Variants in GRIK3 observed in about 807,000 individuals in gnomAD.
GRIK3 encodes glutamate receptor ionotropic, kainate 3.
Under a neutral mutation model 102.5 loss-of-function variants are expected in GRIK3, and 29 were observed. The observed-to-expected ratio is 0.28, with a 90% CI of 0.21 to 0.39. The LOEUF (loss-of-function observed/expected upper bound fraction) is 0.39. Among genes scored for constraint, GRIK3 ranks in the 10% least tolerant of loss-of-function variants. GRIK3 has a pLI of 1.00. For missense variants in GRIK3, 908 were observed against 1,252.4 expected, an observed-to-expected ratio of 0.73 and a Z score of 4.15; for synonymous variants, 511 against 504.9, an observed-to-expected ratio of 1.01 and a Z score of -0.16.
intron 1 of GRIK3, among the ~76,000 whole-genome samples, chr1:36,962,264 C>T (rs1413893640): frequency 6.6e-6 from 1 of 152,132 alleles, no homozygotes; most frequent in Admixed American, 6.5e-5. Flanking sequence ...CTCCATTCCT[C>T]TTATCTCTGT....
intron 1 of GRIK3, among the ~76,000 whole-genome samples, chr1:36,985,819 C>T (rs912423554): frequency 6.6e-6 from 1 of 152,178 alleles, no homozygotes; most frequent in East Asian, 1.9e-4. Flanking sequence ...TGTGTGGGCT[C>T]CCCGTCTCCC....
intron 1 of GRIK3, among the ~76,000 whole-genome samples, chr1:36,937,269 G>A (rs935866766): frequency 6.6e-6 from 1 of 152,126 alleles, no homozygotes; most frequent in Non-Finnish European, 1.5e-5. Context: ...CCACGCCCTC[G>A]AGTGAACAAC....
chr1:37,030,475 A>T (rs1642811798), intron 1 of GRIK3, among the ~76,000 whole-genome samples: 1 of 151,408 alleles, frequency 6.6e-6, no homozygotes, highest in Non-Finnish European at 1.5e-5. Flanking sequence ...CTTGCAGCTC[A>T]GTTCTGCTCT....
At chr1:36,987,767 G>T (rs1642321652) in intron 1 of GRIK3, among the ~76,000 whole-genome samples, 1 of 152,166 alleles carries the variant, frequency 6.6e-6, no homozygotes, top group Non-Finnish European at 1.5e-5. Context: ...TAGCAGGAAG[G>T]TCACGACAGT....
chr1:36,876,881 C>A (rs1386957260), intron 3 of GRIK3, among the ~76,000 whole-genome samples: 4 of 152,118 alleles, frequency 2.6e-5, no homozygotes, highest in Non-Finnish European at 5.9e-5. Flanking sequence ...ATTTGTTGAA[C>A]TGAATTGAGT....
chr1:37,033,127 G>C (rs1190959118), intron 1 of GRIK3, among the ~76,000 whole-genome samples: 1 of 152,238 alleles, frequency 6.6e-6, no homozygotes, highest in East Asian at 1.9e-4. Flanking sequence ...CGGCGCTCAG[G>C]CCTGCAGGGT....
intron 15 of GRIK3, among the ~76,000 whole-genome samples, chr1:36,803,966 A>C (rs987249165): frequency 6.6e-6 from 1 of 152,252 alleles, no homozygotes; most frequent in African/African-American, 2.4e-5. Context: ...GGAAATTGAC[A>C]GGCCAAAATG....
chr1:37,010,727 C>CTTTTTTTTT (rs60750637), intron 1 of GRIK3, among the ~76,000 whole-genome samples: 1 of 102,488 alleles, frequency 9.8e-6, no homozygotes, highest in Non-Finnish European at 1.8e-5. Flanking sequence ...ACCTGTACCA[C>CTTTTTTTTT]TTTTTTTTTT....
intron 1 of GRIK3, among the ~76,000 whole-genome samples, chr1:37,000,405 G>A (rs1268972804): frequency 5.9e-5 from 9 of 152,084 alleles, no homozygotes; most frequent in Non-Finnish European, 1.5e-5. Context: ...AATTATATGG[G>A]GTAAGTGCTA....
At chr1:36,886,396 G>T (rs750469882) in intron 2 of GRIK3, among the ~76,000 whole-genome samples, 81 of 152,188 alleles carry the variant, frequency 5.3e-4, no homozygotes, top group Non-Finnish European at 8.8e-4. Flanking sequence ...CAAGCCCCAG[G>T]TTCCTTGGAA....
intron 1 of GRIK3, among the ~76,000 whole-genome samples, chr1:37,029,851 GC>G (rs1284659898): frequency 6.6e-6 from 1 of 152,210 alleles, no homozygotes; most frequent in Non-Finnish European, 1.5e-5. Context: ...ATCCTGCAAA[GC>G]CCTTTGAAAA....
chr1:36,844,166 TCAGG>T (rs1640493349), intron 9 of GRIK3, among the ~76,000 whole-genome samples: 1 of 152,180 alleles, frequency 6.6e-6, no homozygotes, highest in Non-Finnish European at 1.5e-5. Flanking sequence ...TTGGGATGCT[TCAGG>T]GAAAGAACTG....
At chr1:36,836,714 GT>G (rs1640383606) in intron 10 of GRIK3, among the ~76,000 whole-genome samples, 1 of 152,204 alleles carries the variant, frequency 6.6e-6, no homozygotes, top group Non-Finnish European at 1.5e-5. Context: ...CCATACTGCA[GT>G]GAGATGTGAC....
intron 1 of GRIK3, among the ~76,000 whole-genome samples, chr1:37,029,378 G>A (rs1234386291): frequency 3.3e-5 from 5 of 152,152 alleles, no homozygotes; most frequent in African/African-American, 9.7e-5. Context: ...GTTCCTCTCC[G>A]TGCTGCCCAG....
intron 1 of GRIK3, among the ~76,000 whole-genome samples, chr1:37,019,610 A>G (rs1642689412): frequency 2.0e-5 from 3 of 152,262 alleles, no homozygotes; most frequent in African/African-American, 7.2e-5. Flanking sequence ...TTGCCCCCGC[A>G]TCCTGGAGCC....
At position 36,915,930 on chromosome 1, in the gene GRIK3, C is replaced by T. The variant is rs538768590; in HGVS notation, c.116-24834G>A. ...GAAAAGATACCTGAAAATGTGGAAG[C>T]GACTTTGGAACTGGGTAACGGGCAG... On this transcript the variant is annotated intron_variant, in intron 1 of 15. Transcript: ENST00000373091. Among the ~76,000 whole-genome samples, 23 of 152,120 alleles carry T rather than the reference C, an allele frequency of 1.5e-4. No homozygotes were observed. The South Asian group carries it at 3.9e-3, about 26-fold the overall frequency.
intron 1 of GRIK3, 83 bp from the exon 2 acceptor site, chr1:36,891,179 G>T: frequency 2.9e-6 from 3 of 1,049,556 alleles, no homozygotes; most frequent in South Asian, 1.6e-5. Flanking sequence ...AGATTTTATA[G>T]ACAAGTTGCC....
chr1:36,872,399 C>G lies in GRIK3; in HGVS notation c.551-30G>C, dbSNP rs373285581. On this transcript the variant is annotated intron_variant, in intron 3 of 15. Coordinates refer to ENST00000373091, the MANE Select transcript of GRIK3 (RefSeq NM_000831.4). The surrounding 1 kb of genome is among the most constrained non-coding windows in gnomAD (Gnocchi z 5.9). ...GGGGCCATGGAGCACAAAAGACACA[C>G]GTGTACCACATGTATCCACAGCTCC... 16 of 1,520,322 alleles carry G rather than the reference C, an allele frequency of 1.1e-5. No homozygotes were observed. In the African/African-American group the frequency reaches 1.7e-4, roughly 16 times the overall value. 94.2% of individuals were successfully genotyped at this position (1,520,322 alleles called of 1,614,324 possible). A position where few individuals can be genotyped will look rare whatever the true frequency, so the allele number is the denominator to read the frequency against.
rs542955312 is a variant in GRIK3, at chr1:36,850,700, C to CAG, written c.1213-278_1213-277dup. ...CCCATCACAGCTGAAGGGGAAAATG[C>CAG]AGAGAGAGACAGCAAATGCGAAGGC... On this transcript the variant is annotated intron_variant, in intron 8 of 15. Coordinates refer to ENST00000373091, the MANE Select transcript of GRIK3 (RefSeq NM_000831.4). This position sits in a 1 kb window ranked among gnomAD's most constrained non-coding sequence, Gnocchi z 4.0. Among the ~76,000 whole-genome samples, 228 of 152,328 alleles carry CAG rather than the reference C, an allele frequency of 1.5e-3. No individual in the cohort carries two copies. The highest frequency in any genetic ancestry group is 0.01 in the Middle Eastern group (3 of 294).
Sources: allele counts gnomAD v4.1 joint callset (sites outside exome capture counted in the v4.1 genomes callset), GRCh38; gene constraint gnomAD v4.1.1; non-coding constraint Gnocchi (gnomAD v3.1); transcripts MANE v1.5; gene names NCBI Gene and HGNC (gene_info 2026-07-23, HGNC 2026-07-21).